PXDNL: variants seen among roughly 807,000 people sequenced by gnomAD.
PXDNL encodes peroxidasin like, also known as probable oxidoreductase PXDNL.
In PXDNL, 145 loss-of-function variants were observed where a neutral mutation model predicts 150.8. That is an observed-to-expected ratio of 0.96 (90% CI 0.84 to 1.10). PXDNL has a LOEUF of 1.10. Among genes scored for constraint, PXDNL ranks in the 50% least tolerant of loss-of-function variants. The pLI is 0.00. For missense variants in PXDNL, 2,087 were observed against 1,873.9 expected, an observed-to-expected ratio of 1.11 and a Z score of -2.10; for synonymous variants, 757 against 725.7, an observed-to-expected ratio of 1.04 and a Z score of -0.69.
rs1332677591 is a variant in PXDNL, at chr8:51,576,888, T to C, written c.308+15739A>G. Reference sequence around the variant, plus strand: ...ACAAACAATTCTACACATATATATTTGACAAATTAGAAAAAATGGACAACT... The same window carrying C: ...ACAAACAATTCTACACATATATATTCGACAAATTAGAAAAAATGGACAACT... On this transcript the variant is annotated intron_variant, in intron 3 of 22. Coordinates refer to ENST00000356297, the MANE Select transcript of PXDNL (RefSeq NM_144651.5). Among the ~76,000 whole-genome samples, 5 of 152,002 alleles carry C rather than the reference T, an allele frequency of 3.3e-5. No homozygotes were observed. In the South Asian group the frequency reaches 1.0e-3, roughly 32 times the overall value.
At chr8:51,577,999 G>GA (rs1409948869) in intron 3 of PXDNL, among the ~76,000 whole-genome samples, 25 of 31,518 alleles carry the variant, frequency 7.9e-4, no homozygotes, top group South Asian at 1.2e-3. Flanking sequence ...AAGAAAGAAA[G>GA]AGGAAGGAAG....
chr8:51,780,654 CTTTTTTTTTT>C (rs71237240), intron 1 of PXDNL, among the ~76,000 whole-genome samples: 2 of 75,178 alleles, frequency 2.7e-5, no homozygotes, highest in Admixed American at 1.7e-4. Context: ...CTTTTCTTTT[CTTTTTTTTTT>C]TTTTTTTTTT....
chr8:51,603,031 A>G (rs1813759288), intron 2 of PXDNL, among the ~76,000 whole-genome samples: 1 of 151,758 alleles, frequency 6.6e-6, no homozygotes, highest in Non-Finnish European at 1.5e-5. Context: ...CAAATTATTT[A>G]CATATTATCA....
chr8:51,635,822 G>C (rs1814592983), intron 2 of PXDNL, among the ~76,000 whole-genome samples: 4 of 152,004 alleles, frequency 2.6e-5, no homozygotes, highest in Admixed American at 1.3e-4. Flanking sequence ...CAAAAAAATA[G>C]AAGAGGAAAG....
chr8:51,457,754 CTATGTTTCA>C, intron 8 of PXDNL, 87 bp from the exon 9 acceptor site: 1 of 895,560 alleles, frequency 1.1e-6, no homozygotes, highest in South Asian at 2.4e-5. Flanking sequence ...TACTATATAG[CTATGTTTCA>C]TGTCTACCAA....
chr8:51,721,842 C>G (rs950108164), intron 1 of PXDNL: 2 of 276,276 alleles, frequency 7.2e-6, no homozygotes, highest in African/African-American at 4.5e-5. Flanking sequence ...AGCTGGTTTA[C>G]AATGGTAAAC....
chr8:51,668,176 C>CTTTTTT lies in PXDNL; in HGVS notation c.165-13422_165-13417dup, dbSNP rs71550279. On this transcript the variant is annotated intron_variant, in intron 1 of 22. Coordinates refer to ENST00000356297, the MANE Select transcript of PXDNL (RefSeq NM_144651.5). ...ATACAAGGCTTCCTTCTCGCTCTCT[C>CTTTTTT]TTTTTTTTTTTTTTTTTGAGACAGA... Among the ~76,000 whole-genome samples, 10 of 77,380 alleles carry CTTTTTT rather than the reference C, an allele frequency of 1.3e-4. 1 individual carries two copies. The South Asian group carries it at 1.7e-3, about 13-fold the overall frequency. The allele number at this position is 77,380 out of a possible 152,430, so 50.8% of individuals were successfully genotyped here.
Position 51,596,568 on chromosome 8 carries a change from T to C in PXDNL, c.237-3870A>G, listed in dbSNP as rs566741596. Among the ~76,000 whole-genome samples the C allele has an allele frequency of 2.6e-4, 40 of 152,266 alleles. 1 individual carries two copies. In the Middle Eastern group the frequency reaches 0.01, roughly 39 times the overall value. On this transcript the variant is annotated intron_variant, in intron 2 of 22. Coordinates refer to ENST00000356297, the MANE Select transcript of PXDNL (RefSeq NM_144651.5). ...ACAGCCTCAACCACAGCTGTTGCTG[T>C]TTTTTACTTTTTAATAATAGCCATT... is the stretch of plus-strand genomic sequence containing the variant.
chr8:51,401,371 T>C (rs1233039503), intron 17 of PXDNL, among the ~76,000 whole-genome samples: 5 of 152,040 alleles, frequency 3.3e-5, no homozygotes, highest in African/African-American at 7.2e-5. Flanking sequence ...AGTAAGGAGA[T>C]AGGAGATCTG....
chr8:51,415,140 T>C (rs1331795794), intron 14 of PXDNL, among the ~76,000 whole-genome samples: 1 of 152,196 alleles, frequency 6.6e-6, no homozygotes, highest in Non-Finnish European at 1.5e-5. Context: ...CCCATGCATA[T>C]ATGCAGAAAA....
chr8:51,538,871 C>A (rs1462728808), intron 4 of PXDNL, among the ~76,000 whole-genome samples: 1 of 152,128 alleles, frequency 6.6e-6, no homozygotes, highest in African/African-American at 2.4e-5. Context: ...GAAAATCATG[C>A]AATTATGTGG....
chr8:51,592,883 C>A (rs1352112099), intron 2 of PXDNL, among the ~76,000 whole-genome samples, 185 bp from the exon 3 acceptor site: 2 of 152,098 alleles, frequency 1.3e-5, no homozygotes, highest in African/African-American at 4.8e-5. Flanking sequence ...TAATTTGTCA[C>A]AAAGACTTTA....
intron 4 of PXDNL, among the ~76,000 whole-genome samples, chr8:51,555,834 G>GTAGCA (rs1694078696): frequency 6.6e-6 from 1 of 152,156 alleles, no homozygotes. Context: ...TTGCAGTTTA[G>GTAGCA]TAGCAGTATT....
chr8:51,460,857 T>C (rs1360286942), intron 8 of PXDNL, among the ~76,000 whole-genome samples: 1 of 152,144 alleles, frequency 6.6e-6, no homozygotes, highest in African/African-American at 2.4e-5. Flanking sequence ...TAGGTGCCCA[T>C]GCCCCAAGGC....
At chr8:51,382,837 C>T (rs1305520524) in intron 17 of PXDNL, among the ~76,000 whole-genome samples, 1 of 152,120 alleles carries the variant, frequency 6.6e-6, no homozygotes, top group African/African-American at 2.4e-5. Flanking sequence ...AAAAATAGTA[C>T]TTAGAAGTTT....
chr8:51,551,342 T>A (rs977386200), intron 4 of PXDNL, among the ~76,000 whole-genome samples: 6 of 152,060 alleles, frequency 3.9e-5, no homozygotes, highest in African/African-American at 7.2e-5. Flanking sequence ...AAAATTCATA[T>A]GGAACCAAAA....
chr8:51,603,155 T>C (rs1312518870), intron 2 of PXDNL, among the ~76,000 whole-genome samples: 2 of 151,924 alleles, frequency 1.3e-5, no homozygotes, highest in Admixed American at 1.3e-4. Context: ...GCAATGGAAA[T>C]ATTTCCAATA....
intron 19 of PXDNL, among the ~76,000 whole-genome samples, chr8:51,371,268 A>G (rs974807214): frequency 6.6e-6 from 1 of 152,236 alleles, no homozygotes; most frequent in African/African-American, 2.4e-5. Flanking sequence ...TTTTTGAGCC[A>G]CACTTTCATC....
chr8:51,782,135 G>A (rs1433030763), intron 1 of PXDNL, among the ~76,000 whole-genome samples: 1 of 152,190 alleles, frequency 6.6e-6, no homozygotes, highest in African/African-American at 2.4e-5. Context: ...ATTGCCAGGA[G>A]TGCCCACCCA....
Sources: gnomAD v4.1 joint callset for allele counts (sites outside exome capture counted in the v4.1 genomes callset) on GRCh38, gnomAD v4.1.1 for gene constraint, MANE v1.5 for transcripts, NCBI Gene and HGNC (gene_info 2026-07-23, HGNC 2026-07-21) for gene names.